VPS13D: variants seen among roughly 807,000 people sequenced by gnomAD.
VPS13D encodes the protein intermembrane lipid transfer protein VPS13D.
In VPS13D, 187 loss-of-function variants were observed where a neutral mutation model predicts 461.9. The ratio of observed to expected loss-of-function variants is 0.40; its 90% CI spans 0.36 to 0.46. The LOEUF is 0.46. VPS13D is among the 20% of genes least tolerant of loss of function. The pLI, the probability that VPS13D is intolerant of heterozygous loss-of-function variation, is 0.60. For synonymous variants in VPS13D, 1,951 were observed against 1,986.3 expected (o/e 0.98, Z 0.47); for missense variants, 4,711 against 5,364.9 (o/e 0.88, Z 3.81).
At chr1:12,482,883 G>A (rs185190901) in intron 67 of VPS13D, among the ~76,000 whole-genome samples, 125 of 151,798 alleles carry the variant, frequency 8.2e-4, no homozygotes, top group Non-Finnish European at 7.4e-5. Flanking sequence ...GTGCTAGAAC[G>A]TCTTTCCATT....
At position 12,348,947 on chromosome 1, in the gene VPS13D, G is replaced by A; in HGVS notation, c.9194G>A (p.Arg3065Lys). The A allele has an allele frequency of 6.2e-7, 1 of 1,614,160 alleles. No individual in the cohort carries two copies. Among genetic ancestry groups the A allele is most frequent in the Non-Finnish European group, 8.5e-7 (1 of 1,180,028 alleles). Residue 3065 changes from arginine (R) to lysine (K), a missense_variant, in exon 45 of 70, where the codon AGA (arginine) becomes AAA (lysine). Physicochemically the swap from Arg to Lys is conservative, Grantham distance 26 (BLOSUM62 2). Transcript: ENST00000620676. Reference protein sequence around the residue: ...RNRLETPMELRLDSPSAPDKP... With the variant: ...RNRLETPMELKLDSPSAPDKP... ...AGACTTGAGACACCAATGGAACTAAGACTGGATAGCCCATCAGCTCCAGAC... is the reference window on the plus strand; with the variant it reads ...AGACTTGAGACACCAATGGAACTAAAACTGGATAGCCCATCAGCTCCAGAC...
rs72866652 is a variant in VPS13D, at chr1:12,313,440, C to T, written c.6936-675C>T. On this transcript the variant is annotated intron_variant, in intron 29 of 69. Coordinates refer to ENST00000620676, the MANE Select transcript of VPS13D (RefSeq NM_015378.4). ...CTCCCACCTCAGCCCCACCGAGTAGCTGGGACTACAGGCATGAGCCACGTC... is the reference window on the plus strand; with the variant it reads ...CTCCCACCTCAGCCCCACCGAGTAGTTGGGACTACAGGCATGAGCCACGTC... Among the ~76,000 whole-genome samples, 1,317 of 151,714 alleles carry T rather than the reference C, an allele frequency of 8.7e-3. 17 individuals are homozygous for T. Among genetic ancestry groups the T allele is most frequent in the African/African-American group, 0.03 (1,255 of 41,352 alleles).
In VPS13D at chr1:12,426,960, G is replaced by A. The variant is rs539103694; in HGVS notation, c.12333+10133G>A. Among the ~76,000 whole-genome samples, 275 of 152,248 alleles carry A rather than the reference G, an allele frequency of 1.8e-3. 1 individual carries two copies. Among genetic ancestry groups the A allele is most frequent in the Non-Finnish European group, 2.7e-3 (187 of 68,022 alleles). On this transcript the variant is annotated intron_variant, in intron 65 of 69. Transcript: ENST00000620676. ...ACCTGGGAGGTGGAGGTTGCAGTGA[G>A]CCAAGATCATGCCATTGCACTCCAG...
chr1:12,299,515 T>C lies in VPS13D; in HGVS notation c.6216+131T>C. 9.8e-7 allele frequency: 1 copy of C among 1,016,740 alleles called. No individual in the cohort carries two copies. Among genetic ancestry groups the C allele is most frequent in the Non-Finnish European group, 1.4e-6 (1 of 736,828 alleles). The allele number at this position is 1,016,740 out of a possible 1,614,324, so 63.0% of individuals were successfully genotyped here. A position where few individuals can be genotyped will look rare whatever the true frequency, so the allele number is the denominator to read the frequency against. ...TAGGGTATGTGGCTTGAAGAATTTT[T>C]TTTGGCATTTTATTGATATTTCAGT... On this transcript the variant is annotated intron_variant, in intron 25 of 69. Coordinates refer to ENST00000620676, the MANE Select transcript of VPS13D (RefSeq NM_015378.4). The surrounding 1 kb of genome is among the most constrained non-coding windows in gnomAD (Gnocchi z 4.2).
chr1:12,486,882 C>T (rs182721097), intron 67 of VPS13D, among the ~76,000 whole-genome samples: 51 of 152,272 alleles, frequency 3.3e-4, no homozygotes, highest in African/African-American at 1.1e-3. Context: ...CACACAGCAC[C>T]GTTCTGAGCG....
At chr1:12,419,934 A>C (rs1206369045) in intron 65 of VPS13D, among the ~76,000 whole-genome samples, 2 of 152,166 alleles carry the variant, frequency 1.3e-5, no homozygotes, top group African/African-American at 4.8e-5. Flanking sequence ...AAAACTGTAC[A>C]GCATGTTAAA....
At chr1:12,364,136 A>AT (rs2101617964) in intron 52 of VPS13D, among the ~76,000 whole-genome samples, 1 of 152,230 alleles carries the variant, frequency 6.6e-6, no homozygotes, top group East Asian at 1.9e-4. Context: ...GTGTAAGTAC[A>AT]TTTACATTAT....
intron 67 of VPS13D, among the ~76,000 whole-genome samples, chr1:12,478,372 A>C (rs991175519): frequency 6.6e-6 from 1 of 152,242 alleles, no homozygotes; most frequent in Non-Finnish European, 1.5e-5. Context: ...ATGATCTGAA[A>C]GGGGGAGGTT....
chr1:12,259,477 T>C (rs545608499), intron 10 of VPS13D, among the ~76,000 whole-genome samples: 2 of 152,116 alleles, frequency 1.3e-5, no homozygotes, highest in African/African-American at 2.4e-5. Flanking sequence ...CTAATTTTTG[T>C]ATCATTTATA....
chr1:12,380,638 T>C (rs533564420), intron 57 of VPS13D, among the ~76,000 whole-genome samples: 1 of 152,326 alleles, frequency 6.6e-6, no homozygotes, highest in South Asian at 2.1e-4. Context: ...GGACATGCAG[T>C]AGACTAGCAC....
chr1:12,394,606 A>T (rs1420566717), intron 60 of VPS13D, among the ~76,000 whole-genome samples: 4 of 152,092 alleles, frequency 2.6e-5, no homozygotes, highest in Non-Finnish European at 5.9e-5. Context: ...TGCCCTTACA[A>T]ATCTGTTCCG....
Position 12,510,491 on chromosome 1 carries a change from C to A in VPS13D, c.*1467C>A. On this transcript the variant is annotated 3_prime_UTR_variant, in exon 70 of 70. Transcript: ENST00000620676. ...AAATGAAGCTAATCTTCTTCCCCTC[C>A]CTTTCCTCTCCCACTTCCCCTCTGT... The A allele has an allele frequency of 6.6e-6, 1 of 152,564 alleles. No individual in the cohort carries two copies. Among genetic ancestry groups the A allele is most frequent in the Non-Finnish European group, 1.5e-5 (1 of 68,408 alleles). The allele number at this position is 152,564 out of a possible 1,614,324, so 9.5% of individuals were successfully genotyped here.
chr1:12,254,720 C>T (rs915216519), intron 7 of VPS13D, among the ~76,000 whole-genome samples: 12 of 151,368 alleles, frequency 7.9e-5, no homozygotes, highest in South Asian at 2.1e-4. Flanking sequence ...GATGGGGTTT[C>T]GCCATATTGG....
intron 65 of VPS13D, among the ~76,000 whole-genome samples, chr1:12,422,397 A>G (rs374565663): frequency 4.6e-5 from 7 of 152,156 alleles, no homozygotes; most frequent in African/African-American, 1.2e-4. Context: ...ATTTATTTCT[A>G]CCAGGCCCAA....
intron 65 of VPS13D, among the ~76,000 whole-genome samples, chr1:12,440,830 C>T (rs995557571): frequency 2.7e-5 from 4 of 148,926 alleles, no homozygotes; most frequent in African/African-American, 1.0e-4. Context: ...GAGCTGAGAT[C>T]GTGCCACTGC....
chr1:12,507,054 T>G lies in VPS13D; in HGVS notation c.12996T>G (p.Ser4332Arg). 1 of 1,614,238 alleles carries G rather than the reference T, an allele frequency of 6.2e-7. No homozygotes were observed. The highest frequency in any genetic ancestry group is 8.5e-7 in the Non-Finnish European group (1 of 1,180,042). The stretch of plus-strand genomic sequence containing the variant: ...CCAAGAAAGCCGTGAGCACGAGCAG[T>G]GGAGTGTCCATCCCCGGCCCCTCCC... ...QVTKKAVSTS[S>R]GVSIPGPSHQ... The change falls in exon 69 of 70, where the codon AGT becomes AGG. Residue 4332 changes from serine (S) to arginine (R), a missense_variant. By Grantham distance (110) the Ser-to-Arg change is moderately radical (BLOSUM62 -1). Coordinates refer to ENST00000620676, the MANE Select transcript of VPS13D (RefSeq NM_015378.4). The surrounding 1 kb of genome is among the most constrained non-coding windows in gnomAD (Gnocchi z 5.3).
chr1:12,486,910 A>G (rs773612857), intron 67 of VPS13D, among the ~76,000 whole-genome samples: 2 of 152,264 alleles, frequency 1.3e-5, no homozygotes, highest in Non-Finnish European at 2.9e-5. Flanking sequence ...GCGACCATGC[A>G]TAGAAGAGAC....
Position 12,354,038 on chromosome 1 carries a change from A to G in VPS13D, c.9496A>G (p.Ser3166Gly). 6.2e-7 allele frequency: 1 copy of G among 1,614,238 alleles called. No homozygotes were observed. The highest frequency in any genetic ancestry group is 8.5e-7 in the Non-Finnish European group (1 of 1,180,040). ...DYMPSNIFSD[S>G]AKQIFRQPGH... is the part of the protein sequence containing the mutation. ...TATGCCCTCAAACATATTTTCTGAC[A>G]GTGCAAAACAGATTTTCAGACAGCC... The change falls in exon 47 of 70, where the codon AGT (serine) becomes GGT (glycine). Residue 3166 changes from serine to glycine, a missense_variant. Ser to Gly is a moderately conservative substitution (Grantham distance 56, BLOSUM62 0). Coordinates refer to ENST00000620676, the MANE Select transcript of VPS13D (RefSeq NM_015378.4).
At chr1:12,272,880 G>C in intron 17 of VPS13D, 123 bp from the exon 18 acceptor site, 1 of 1,363,116 alleles carries the variant, frequency 7.3e-7, no homozygotes, top group Non-Finnish European at 9.9e-7. Context: ...ACTTTTTGCT[G>C]TAATACATTA....
Sources: allele counts gnomAD v4.1 joint callset (sites outside exome capture counted in the v4.1 genomes callset), GRCh38; gene constraint gnomAD v4.1.1; non-coding constraint Gnocchi (gnomAD v3.1); transcripts MANE v1.5; gene names NCBI Gene and HGNC (gene_info 2026-07-23, HGNC 2026-07-21).